SH3PXD2B: variants seen among roughly 807,000 people sequenced by gnomAD.
SH3PXD2B encodes SH3 and PX domain-containing protein 2B.
SH3PXD2B carries 37 observed loss-of-function variants against 73.1 expected under a neutral mutation model. The ratio of observed to expected loss-of-function variants is 0.51; its 90% CI spans 0.39 to 0.67. SH3PXD2B has a LOEUF of 0.67. Among genes scored for constraint, SH3PXD2B ranks in the 30% least tolerant of loss-of-function variants. SH3PXD2B has a pLI of 0.00. For missense variants in SH3PXD2B, 1,053 were observed against 1,197.8 expected (o/e 0.88, Z 1.78); for synonymous variants, 457 against 480.5 (o/e 0.95, Z 0.64).
chr5:172,366,932 A>ATTTTTTTTTTTTTTTTTTT (rs1262636786), intron 6 of SH3PXD2B, among the ~76,000 whole-genome samples: 1 of 75,094 alleles, frequency 1.3e-5, no homozygotes, highest in African/African-American at 5.1e-5. Flanking sequence ...GTGCCCGGCC[A>ATTTTTTTTTTTTTTTTTTT]TTTTTTTTTT....
Position 172,337,891 on chromosome 5 carries a change from T to A in SH3PXD2B, c.*478A>T. On this transcript the variant is annotated 3_prime_UTR_variant, in exon 13 of 13. Coordinates refer to ENST00000311601, the MANE Select transcript of SH3PXD2B (RefSeq NM_001017995.3). ...AAGTTCCTTCTGGTAGCAGGCAATT[T>A]AGGAGGAGTGAATAAAGCCACTGGG... 3 of 1,011,746 alleles carry A rather than the reference T, an allele frequency of 3.0e-6. No individual in the cohort carries two copies. The highest frequency in any genetic ancestry group is 3.5e-6 in the Non-Finnish European group (3 of 845,276). 62.7% of individuals were successfully genotyped at this position (1,011,746 alleles called of 1,614,324 possible). A position where few individuals can be genotyped will look rare whatever the true frequency, so the allele number is the denominator to read the frequency against.
At chr5:172,438,784 G>GT (rs1048579873) in intron 1 of SH3PXD2B, among the ~76,000 whole-genome samples, 7 of 152,196 alleles carry the variant, frequency 4.6e-5, no homozygotes, top group Admixed American at 4.6e-4. Context: ...TCTTTGAGGT[G>GT]TTGGAACTGT....
At chr5:172,417,349 G>T (rs1418583367) in intron 2 of SH3PXD2B, among the ~76,000 whole-genome samples, 1 of 152,164 alleles carries the variant, frequency 6.6e-6, no homozygotes, top group Non-Finnish European at 1.5e-5. Context: ...TGCAGCCTGG[G>T]GCTGTGGCTG....
chr5:172,374,406 G>A (rs1425980207), intron 5 of SH3PXD2B, among the ~76,000 whole-genome samples: 2 of 152,244 alleles, frequency 1.3e-5, no homozygotes, highest in Non-Finnish European at 2.9e-5. Context: ...TATCGGCCAG[G>A]CATGGTGCTT....
intron 11 of SH3PXD2B, among the ~76,000 whole-genome samples, chr5:172,346,509 G>C (rs1757001897): frequency 6.6e-6 from 1 of 152,142 alleles, no homozygotes; most frequent in Non-Finnish European, 1.5e-5. Flanking sequence ...TGAGAATTTG[G>C]AGCAAGACAA....
chr5:172,454,273 C>G lies in SH3PXD2B; in HGVS notation c.75+5G>C, dbSNP rs1272800265. The stretch of plus-strand genomic sequence containing the variant: ...AAGGGGGCGTGGGGGCCGCGCCGCA[C>G]TCACATAATGCTTGTTGGGCACCCG... On this transcript the variant is annotated splice_donor_5th_base_variant and intron_variant, in intron 1 of 12. Transcript: ENST00000311601. 1 of 1,596,278 alleles carries G rather than the reference C, an allele frequency of 6.3e-7. No homozygotes were observed.
intron 3 of SH3PXD2B, among the ~76,000 whole-genome samples, chr5:172,398,645 T>C (rs1210521271): frequency 3.9e-5 from 6 of 152,212 alleles, no homozygotes; most frequent in Admixed American, 2.0e-4. Flanking sequence ...AAACAACATA[T>C]TCAACCTCAA....
At chr5:172,434,782 GT>G (rs71577589) in intron 1 of SH3PXD2B, among the ~76,000 whole-genome samples, 3,523 of 66,254 alleles carry the variant, frequency 0.053, 154 homozygotes, top group African/African-American at 0.14. Flanking sequence ...ATGGCCAATG[GT>G]TTTTTTTTTT....
Position 172,337,476 on chromosome 5 carries a change from C to T in SH3PXD2B, c.*893G>A. On this transcript the variant is annotated 3_prime_UTR_variant, in exon 13 of 13. Transcript: ENST00000311601. ...AAGCATGAATGCAAAGCGCCAAGTA[C>T]AGTGTTTGGCACCCACGAGGCACTC... The T allele has an allele frequency of 1.0e-6, 1 of 984,994 alleles. No homozygotes were observed. Among genetic ancestry groups the T allele is most frequent in the Non-Finnish European group, 1.2e-6 (1 of 829,522 alleles). 61.0% of individuals were successfully genotyped at this position (984,994 alleles called of 1,614,324 possible). A position where few individuals can be genotyped will look rare whatever the true frequency, so the allele number is the denominator to read the frequency against.
intron 6 of SH3PXD2B, among the ~76,000 whole-genome samples, chr5:172,368,090 C>G (rs1757567365): frequency 6.6e-6 from 1 of 152,198 alleles, no homozygotes; most frequent in African/African-American, 2.4e-5. Flanking sequence ...CAGTCCTTCT[C>G]ATGCAAAGCC....
intron 1 of SH3PXD2B, among the ~76,000 whole-genome samples, chr5:172,436,917 G>A (rs1208096920): frequency 2.0e-5 from 3 of 152,140 alleles, no homozygotes; most frequent in Non-Finnish European, 4.4e-5. Flanking sequence ...ATGTCCGAAG[G>A]TCCCTAGGAA....
In SH3PXD2B at chr5:172,334,459, G is replaced by A; in HGVS notation, c.*3910C>T. 1.0e-6 allele frequency: 1 copy of A among 986,972 alleles called. No individual in the cohort carries two copies. Among genetic ancestry groups the A allele is most frequent in the Non-Finnish European group, 1.2e-6 (1 of 831,246 alleles). The allele number at this position is 986,972 out of a possible 1,614,324, so 61.1% of individuals were successfully genotyped here. On this transcript the variant is annotated 3_prime_UTR_variant, in exon 13 of 13. Transcript: ENST00000311601. ...GAGGTCATCTTTGGTCTGTGGTGAG[G>A]TATGGATGTCTGCAGTCTACACAAC...
downstream of SH3PXD2B, among the ~76,000 whole-genome samples, chr5:172,328,950 C>A (rs912720746): frequency 3.3e-5 from 5 of 151,144 alleles, no homozygotes; most frequent in Non-Finnish European, 7.4e-5. Flanking sequence ...CAATATTGTA[C>A]ATGACATTTA....
intron 7 of SH3PXD2B, among the ~76,000 whole-genome samples, chr5:172,359,387 C>CAAAAAAAAAAAAAAAAAAAAAAAA (rs70982393): frequency 1.1e-4 from 9 of 84,076 alleles, no homozygotes; most frequent in African/African-American, 4.3e-4. Flanking sequence ...ACCCCCATCT[C>CAAAAAAAAAAAAAAAAAAAAAAAA]AAAAAAAAAA....
At chr5:172,407,871 G>A (rs1386938901) in intron 2 of SH3PXD2B, among the ~76,000 whole-genome samples, 1 of 152,238 alleles carries the variant, frequency 6.6e-6, no homozygotes, top group African/African-American at 2.4e-5. Context: ...AGGTGGACCT[G>A]ACTGTCCAGG....
exon 13 of SH3PXD2B, chr5:172,325,247 T>A: frequency 2.0e-6 from 3 of 1,477,776 alleles, no homozygotes; most frequent in Non-Finnish European, 2.7e-6. Context: ...CAAATTCATG[T>A]TCACAGCAGC....
At chr5:172,448,805 G>A (rs1759731317) in intron 1 of SH3PXD2B, among the ~76,000 whole-genome samples, 1 of 152,216 alleles carries the variant, frequency 6.6e-6, no homozygotes, top group Non-Finnish European at 1.5e-5. Flanking sequence ...GAACCCAGAT[G>A]TTTACCTCTA....
At chr5:172,329,057 G>GTATATA (rs1561884386), downstream of SH3PXD2B, among the ~76,000 whole-genome samples, 6 of 105,138 alleles carry the variant, frequency 5.7e-5, no homozygotes, top group African/African-American at 1.9e-4. Flanking sequence ...GTGTGTGTGT[G>GTATATA]TGTATATATA....
At chr5:172,441,468 C>T (rs879044452) in intron 1 of SH3PXD2B, among the ~76,000 whole-genome samples, 1 of 152,196 alleles carries the variant, frequency 6.6e-6, no homozygotes, top group Admixed American at 6.5e-5. Flanking sequence ...AGGGTACAAG[C>T]AGTTAATGGC....
Sources: allele counts gnomAD v4.1 joint callset (sites outside exome capture counted in the v4.1 genomes callset), GRCh38; gene constraint gnomAD v4.1.1; transcripts MANE v1.5; gene names NCBI Gene and HGNC (gene_info 2026-07-23, HGNC 2026-07-21).